The following RB1CC1 variants were observed in gnomAD, a reference collection of about 807,000 sequenced individuals.
RB1CC1 encodes the protein RB1-inducible coiled-coil protein 1.
In RB1CC1, 46 loss-of-function variants were observed where a neutral mutation model predicts 177.5. The observed-to-expected ratio is 0.26, with a 90% CI of 0.20 to 0.33. The LOEUF (loss-of-function observed/expected upper bound fraction) is 0.33, where lower values mean the gene tolerates loss of function less well. RB1CC1 is among the 10% of genes least tolerant of loss of function. The pLI is 1.00. For missense variants in RB1CC1, 1,703 were observed against 1,816.3 expected (o/e 0.94, Z 1.13); for synonymous variants, 666 against 613.6 (o/e 1.09, Z -1.26).
chr8:52,668,210 C>T lies in RB1CC1; in HGVS notation c.1003-19G>A. ...GATCAAGCTAAATGACAAGGAAACA[C>T]ATACGAATACAATTTTCAGCAAATA... On this transcript the variant is annotated intron_variant, in intron 7 of 23. Transcript: ENST00000025008. 6.2e-7 allele frequency: 1 copy of T among 1,608,358 alleles called. No homozygotes were observed. Among genetic ancestry groups the T allele is most frequent in the Non-Finnish European group, 8.5e-7 (1 of 1,177,232 alleles).
chr8:52,652,334 C>T (rs1182140102), intron 15 of RB1CC1, among the ~76,000 whole-genome samples: 1 of 151,812 alleles, frequency 6.6e-6, no homozygotes. Flanking sequence ...GGCGTGGTGT[C>T]ACGCACCTGT....
chr8:52,669,822 C>A (rs1198105454), intron 7 of RB1CC1, among the ~76,000 whole-genome samples: 1 of 152,146 alleles, frequency 6.6e-6, no homozygotes, highest in East Asian at 1.9e-4. Flanking sequence ...ACTTAACATA[C>A]CAACAACTTA....
Position 52,657,684 on chromosome 8 carries a change from G to A in RB1CC1, c.2145C>T (p.His715=). Residue 715 remains histidine (H), a synonymous_variant, in exon 15 of 24, where the codon CAC becomes CAT. Transcript: ENST00000025008. ...IPHPNIEQTI[H]QVSLDLDSLA... is the part of the protein sequence containing the mutation. ...ATGAATCCAAGTCTAAAGAAACTTG[G>A]TGAATAGTCTGTTCTATGTTTGGAT... The A allele has an allele frequency of 6.2e-7, 1 of 1,614,106 alleles. No individual in the cohort carries two copies. The highest frequency in any genetic ancestry group is 8.5e-7 in the Non-Finnish European group (1 of 1,179,992).
At chr8:52,684,051 T>A (rs1289320791) in intron 3 of RB1CC1, 38 bp from the exon 4 acceptor site, 1 of 1,582,804 alleles carries the variant, frequency 6.3e-7, no homozygotes, top group Non-Finnish European at 8.6e-7. Context: ...GTTGTTTATA[T>A]TTGCCCAATG....
At chr8:52,712,660 A>C (rs1857158163) in intron 1 of RB1CC1, among the ~76,000 whole-genome samples, 1 of 152,238 alleles carries the variant, frequency 6.6e-6, no homozygotes, top group Non-Finnish European at 1.5e-5. Flanking sequence ...AATATGAACT[A>C]TGTCAATATC....
chr8:52,682,329 C>T (rs113314474), intron 5 of RB1CC1, among the ~76,000 whole-genome samples: 27 of 152,222 alleles, frequency 1.8e-4, no homozygotes, highest in East Asian at 7.7e-4. Context: ...TCTTCAGCCA[C>T]GAGGAACTGT....
chr8:52,661,086 C>G lies in RB1CC1; in HGVS notation c.1545+9G>C. The G allele has an allele frequency of 6.2e-7, 1 of 1,611,590 alleles. No homozygotes were observed. Among genetic ancestry groups the G allele is most frequent in the Non-Finnish European group, 8.5e-7 (1 of 1,179,038 alleles). Reference sequence around the variant, plus strand: ...CATATACAGTTAAAATAGAATTCAACTTGCATACCTCCCTGTAGTGTTTTA... The same window carrying G: ...CATATACAGTTAAAATAGAATTCAAGTTGCATACCTCCCTGTAGTGTTTTA... On this transcript the variant is annotated intron_variant, in intron 10 of 23. Coordinates refer to ENST00000025008, the MANE Select transcript of RB1CC1 (RefSeq NM_014781.5).
At position 52,668,627 on chromosome 8, in the gene RB1CC1, G is replaced by A. The variant is rs113459622; in HGVS notation, c.1003-436C>T. On this transcript the variant is annotated intron_variant, in intron 7 of 23. Transcript: ENST00000025008. ...TCTATTTCTATCTCCTCAACGAATC[G>A]GCTTGCTCAATTATGCTTTCTCACT... is the stretch of plus-strand genomic sequence containing the variant. 7.2e-3 allele frequency among the ~76,000 whole-genome samples: 1,100 copies of A among 152,016 alleles called. 14 individuals are homozygous for A. Among genetic ancestry groups the A allele is most frequent in the African/African-American group, 0.025 (1,028 of 41,468 alleles).
chr8:52,675,333 A>G (rs1261107142), intron 6 of RB1CC1, among the ~76,000 whole-genome samples: 1 of 152,172 alleles, frequency 6.6e-6, no homozygotes, highest in East Asian at 1.9e-4. Flanking sequence ...AAACCAGAAC[A>G]TGCTACTTGC....
Position 52,673,835 on chromosome 8 carries a change from C to A in RB1CC1, c.1002+10G>T. 6.3e-7 allele frequency: 1 copy of A among 1,576,930 alleles called. No homozygotes were observed. The highest frequency in any genetic ancestry group is 8.6e-7 in the Non-Finnish European group (1 of 1,161,572). On this transcript the variant is annotated intron_variant, in intron 7 of 23. Transcript: ENST00000025008. Reference sequence around the variant, plus strand: ...AATGACAAAACAAACATCAAATTAACGTTACTTACCCTGCTCATAGAATCA... The same window carrying A: ...AATGACAAAACAAACATCAAATTAAAGTTACTTACCCTGCTCATAGAATCA...
At chr8:52,682,594 T>C (rs754117472) in intron 5 of RB1CC1, among the ~76,000 whole-genome samples, 8 of 152,326 alleles carry the variant, frequency 5.3e-5, no homozygotes, top group South Asian at 2.1e-4. Flanking sequence ...ATAGTTTTAA[T>C]TGCTCTTTCT....
At chr8:52,676,702 GT>G in intron 5 of RB1CC1, 131 bp from the exon 6 acceptor site, 1 of 835,874 alleles carries the variant, frequency 1.2e-6, no homozygotes, top group Non-Finnish European at 1.9e-6. Flanking sequence ...TCAAAGGACT[GT>G]TTTAGTTTAT....
chr8:52,707,223 C>A (rs946718787), intron 1 of RB1CC1, among the ~76,000 whole-genome samples: 2 of 152,126 alleles, frequency 1.3e-5, no homozygotes, highest in Non-Finnish European at 2.9e-5. Flanking sequence ...ATTAACTAAT[C>A]CAGATCTCTG....
chr8:52,642,905 C>T lies in RB1CC1; in HGVS notation c.3988-93G>A, dbSNP rs1849703562. The T allele has an allele frequency of 3.9e-6, 5 of 1,278,374 alleles. No homozygotes were observed. The African/African-American group carries it at 6.1e-5, about 16-fold the overall frequency. The allele number at this position is 1,278,374 out of a possible 1,614,324, so 79.2% of individuals were successfully genotyped here. A position where few individuals can be genotyped will look rare whatever the true frequency, so the allele number is the denominator to read the frequency against. On this transcript the variant is annotated intron_variant, in intron 16 of 23. Coordinates refer to ENST00000025008, the MANE Select transcript of RB1CC1 (RefSeq NM_014781.5). Reference sequence around the variant, plus strand: ...CTTGCAAATATTCTTTTCTGTGGCACATTTGTACATGGAGATGATGGGGTA... The same window carrying T: ...CTTGCAAATATTCTTTTCTGTGGCATATTTGTACATGGAGATGATGGGGTA...
In RB1CC1 at chr8:52,713,016, C is replaced by T. The variant is rs72633845; in HGVS notation, c.-167+1059G>A. 3.8e-3 allele frequency among the ~76,000 whole-genome samples: 581 copies of T among 152,308 alleles called. 4 individuals carry two copies. The highest frequency in any genetic ancestry group is 6.5e-3 in the Non-Finnish European group (444 of 68,028). On this transcript the variant is annotated intron_variant, in intron 1 of 23. Coordinates refer to ENST00000025008, the MANE Select transcript of RB1CC1 (RefSeq NM_014781.5). ...CAATGTAATAACATTCTTGATTAAA[C>T]ACACAATTAAGTCTACTTAAGTCTC... is the stretch of plus-strand genomic sequence containing the variant.
intron 8 of RB1CC1, among the ~76,000 whole-genome samples, chr8:52,664,726 C>A (rs188976649): frequency 6.6e-6 from 1 of 152,230 alleles, no homozygotes; most frequent in South Asian, 2.1e-4. Context: ...AAGCTCAAAT[C>A]GCAAATAATG....
intron 15 of RB1CC1, among the ~76,000 whole-genome samples, chr8:52,655,630 A>AATATAT (rs1851023487): frequency 6.6e-6 from 1 of 152,070 alleles, no homozygotes; most frequent in Non-Finnish European, 1.5e-5. Context: ...TTTAGTCTTT[A>AATATAT]ATATATATAC....
chr8:52,688,185 AGAATTAACAGCGATTTTTAGGGAACAAGG>A (rs1474121737), intron 1 of RB1CC1, among the ~76,000 whole-genome samples: 1 of 152,212 alleles, frequency 6.6e-6, no homozygotes, highest in Non-Finnish European at 1.5e-5. Context: ...GAAAAAGAGC[AGAATTAACAGCGATTTTTAGGGAACAAGG>A]GAAGACAACC....
rs777814520 is a variant in RB1CC1, at chr8:52,661,515, G to T, written c.1358+20C>A. The stretch of plus-strand genomic sequence containing the variant: ...TACCAATTCTAAACATCTTAAAACA[G>T]ATATAAATGAATCACTTACTTCAGT... On this transcript the variant is annotated intron_variant, in intron 9 of 23. Coordinates refer to ENST00000025008, the MANE Select transcript of RB1CC1 (RefSeq NM_014781.5). 2 of 1,564,110 alleles carry T rather than the reference G, an allele frequency of 1.3e-6. No homozygotes were observed. Among genetic ancestry groups the T allele is most frequent in the East Asian group, 4.5e-5 (2 of 44,278 alleles).
Sources: allele counts gnomAD v4.1 joint callset (sites outside exome capture counted in the v4.1 genomes callset), GRCh38; gene constraint gnomAD v4.1.1; transcripts MANE v1.5; gene names NCBI Gene and HGNC (gene_info 2026-07-23, HGNC 2026-07-21).